Variants in FNDC3A observed in about 807,000 individuals in gnomAD.
FNDC3A encodes the protein fibronectin type III domain containing 3A.
A neutral mutation model predicts 148.9 loss-of-function variants in FNDC3A; 32 were observed. That is an observed-to-expected ratio of 0.21 (90% CI 0.16 to 0.29). The LOEUF is 0.29. FNDC3A is among the 10% of genes least tolerant of loss of function. FNDC3A has a pLI of 1.00. For synonymous variants in FNDC3A, 472 were observed against 473.6 expected (o/e 1.00, Z 0.04); for missense variants, 1,191 against 1,452.8 (o/e 0.82, Z 2.93).
At chr13:49,108,168 A>G (rs973899083) in intron 3 of FNDC3A, among the ~76,000 whole-genome samples, 1 of 152,228 alleles carries the variant, frequency 6.6e-6, no homozygotes, top group Non-Finnish European at 1.5e-5. Context: ...AAATAGAATG[A>G]AAGACACGAG....
chr13:49,087,931 T>C (rs1878920166), intron 3 of FNDC3A, among the ~76,000 whole-genome samples: 2 of 152,152 alleles, frequency 1.3e-5, no homozygotes, highest in African/African-American at 4.8e-5. Flanking sequence ...TATTTTTCTG[T>C]AGAAGAAAGG....
intron 2 of FNDC3A, among the ~76,000 whole-genome samples, chr13:49,033,075 G>C (rs556804663): frequency 7.9e-5 from 12 of 151,932 alleles, no homozygotes; most frequent in Non-Finnish European, 1.8e-4. Context: ...TAGGTGTATG[G>C]GATTTGTACA....
intron 3 of FNDC3A, among the ~76,000 whole-genome samples, chr13:49,084,724 C>A (rs894867303): frequency 1.1e-4 from 16 of 152,066 alleles, no homozygotes; most frequent in African/African-American, 3.9e-4. Flanking sequence ...ACCTCGTCAC[C>A]TACTAGAGTT....
chr13:49,161,138 A>T (rs537113328), intron 8 of FNDC3A, among the ~76,000 whole-genome samples: 1 of 152,270 alleles, frequency 6.6e-6, no homozygotes, highest in South Asian at 2.1e-4. Context: ...TATTAGGTCC[A>T]GTTGGTGCAG....
chr13:49,014,880 C>G (rs1361540482), intron 2 of FNDC3A, among the ~76,000 whole-genome samples: 4 of 147,630 alleles, frequency 2.7e-5, no homozygotes, highest in African/African-American at 7.5e-5. Context: ...GCTTGTTTTT[C>G]TCAGGTTTGT....
intron 1 of FNDC3A, among the ~76,000 whole-genome samples, chr13:48,999,317 T>A (rs1952081541): frequency 6.6e-6 from 1 of 152,246 alleles, no homozygotes; most frequent in Admixed American, 6.5e-5. Context: ...TTGGACTTGC[T>A]TGGGACATGT....
In FNDC3A at chr13:49,099,467, G is replaced by A. The variant is rs189547090; in HGVS notation, c.176-15188G>A. On this transcript the variant is annotated intron_variant, in intron 3 of 25. Coordinates refer to ENST00000492622, the MANE Select transcript of FNDC3A (RefSeq NM_001079673.2). ...TGCTGCTGTCTTTGCTGGCCACTTG[G>A]TGTCACCAGGGCACCAAGTGGAAGG... Among the ~76,000 whole-genome samples the A allele has an allele frequency of 2.9e-3, 435 of 152,130 alleles. 3 individuals carry two copies. Among genetic ancestry groups the A allele is most frequent in the South Asian group, 0.019 (90 of 4,810 alleles).
In FNDC3A at chr13:49,158,056, G is replaced by A. The variant is rs530631340; in HGVS notation, c.978-9188G>A. On this transcript the variant is annotated intron_variant, in intron 8 of 25. Coordinates refer to ENST00000492622, the MANE Select transcript of FNDC3A (RefSeq NM_001079673.2). ...AGCTGTGGTGGGCTCCACTCAGTTC[G>A]AGCTTCCCGGCTGCTTTGTTTACCT... is the stretch of plus-strand genomic sequence containing the variant. Among the ~76,000 whole-genome samples the A allele has an allele frequency of 1.6e-3, 249 of 152,246 alleles. 1 individual carries two copies. The highest frequency in any genetic ancestry group is 5.6e-3 in the African/African-American group (232 of 41,540).
At chr13:49,037,562 T>A (rs944432731) in intron 2 of FNDC3A, among the ~76,000 whole-genome samples, 2 of 152,164 alleles carry the variant, frequency 1.3e-5, no homozygotes, top group African/African-American at 4.8e-5. Context: ...AATTGTCATG[T>A]CCACCCCCTA....
chr13:49,075,728 T>A (rs1311125967), intron 3 of FNDC3A, among the ~76,000 whole-genome samples: 4 of 152,094 alleles, frequency 2.6e-5, no homozygotes, highest in African/African-American at 9.7e-5. Context: ...ATAGGCTTAT[T>A]CACTGTCTTT....
intron 5 of FNDC3A, among the ~76,000 whole-genome samples, chr13:49,132,458 T>A (rs1216328715): frequency 6.6e-6 from 1 of 152,224 alleles, no homozygotes; most frequent in African/African-American, 2.4e-5. Context: ...AACTCTGCAC[T>A]GTAGGATGTT....
chr13:49,188,731 A>G, intron 17 of FNDC3A, 98 bp downstream of exon 17: 1 of 769,526 alleles, frequency 1.3e-6, no homozygotes, highest in Non-Finnish European at 2.3e-6. Context: ...CATATCCACA[A>G]ATGGAGAAAA....
intron 3 of FNDC3A, among the ~76,000 whole-genome samples, chr13:49,084,180 C>T (rs1235622453): frequency 1.3e-5 from 2 of 152,092 alleles, no homozygotes; most frequent in African/African-American, 4.8e-5. Flanking sequence ...ACAATAATGC[C>T]GTCTTTATTT....
At chr13:49,176,502 G>A (rs1261105166) in intron 13 of FNDC3A, among the ~76,000 whole-genome samples, 1 of 152,138 alleles carries the variant, frequency 6.6e-6, no homozygotes, top group Non-Finnish European at 1.5e-5. Flanking sequence ...GGTTAAGGGA[G>A]GGATAGCATT....
At chr13:49,138,692 A>C (rs1882518123) in intron 6 of FNDC3A, 55 bp from the exon 7 acceptor site, 1 of 811,402 alleles carries the variant, frequency 1.2e-6, no homozygotes, top group Non-Finnish European at 2.0e-6. Context: ...AGGGAGAAGA[A>C]GGGATTGTAT....
At chr13:49,001,183 A>G (rs1952118323) in intron 1 of FNDC3A, among the ~76,000 whole-genome samples, 2 of 152,210 alleles carry the variant, frequency 1.3e-5, no homozygotes, top group Non-Finnish European at 2.9e-5. Context: ...TAATACTTTT[A>G]TAATTTCTTA....
chr13:49,122,598 C>T (rs994117798), intron 4 of FNDC3A, among the ~76,000 whole-genome samples: 3 of 152,058 alleles, frequency 2.0e-5, no homozygotes, highest in Non-Finnish European at 4.4e-5. Flanking sequence ...TTTAGAAAAC[C>T]CCATCGTCTC....
Position 49,197,724 on chromosome 13 carries a change from G to A in FNDC3A, c.2341-1G>A. 2 of 1,598,094 alleles carry A rather than the reference G, an allele frequency of 1.3e-6. No individual in the cohort carries two copies. The highest frequency in any genetic ancestry group is 1.2e-5 in the South Asian group (1 of 86,734). Reference sequence around the variant, plus strand: ...ACCTTTATCCTTTTCTTAATTTAAAGGTTCCTTTGAGTAATGGAACAGATG... The same window carrying A: ...ACCTTTATCCTTTTCTTAATTTAAAAGTTCCTTTGAGTAATGGAACAGATG... On this transcript the variant is annotated splice_acceptor_variant, in intron 20 of 25. Transcript: ENST00000492622. LOFTEE classifies it high-confidence loss of function.
chr13:49,045,686 A>C (rs1276039394), intron 2 of FNDC3A: 1 of 1,154,330 alleles, frequency 8.7e-7, no homozygotes, highest in African/African-American at 1.7e-5. Context: ...ACAGAGAAAC[A>C]ACTTTGCCAC....
Sources: allele counts gnomAD v4.1 joint callset (sites outside exome capture counted in the v4.1 genomes callset), GRCh38; gene constraint gnomAD v4.1.1; transcripts MANE v1.5; gene names NCBI Gene and HGNC (gene_info 2026-07-23, HGNC 2026-07-21).